CRPPA: variants seen among roughly 807,000 people sequenced by gnomAD.
CRPPA encodes D-ribitol-5-phosphate cytidylyltransferase.
Under a neutral mutation model 52.0 loss-of-function variants are expected in CRPPA, and 43 were observed. The observed-to-expected ratio is 0.83, with a 90% CI of 0.65 to 1.07. CRPPA has a LOEUF of 1.07. Ranked by LOEUF, CRPPA falls within the 50% of genes least tolerant of loss-of-function variation. CRPPA has a pLI of 0.00. For synonymous variants in CRPPA, 250 were observed against 203.5 expected (o/e 1.23, Z -1.94); for missense variants, 629 against 551.7 (o/e 1.14, Z -1.40).
chr7:16,230,035 T>A (rs1782752118), intron 8 of CRPPA, among the ~76,000 whole-genome samples: 1 of 152,186 alleles, frequency 6.6e-6, no homozygotes, highest in Non-Finnish European at 1.5e-5. Context: ...CTTTATGTTA[T>A]CTGCTTCCTT....
intron 3 of CRPPA, among the ~76,000 whole-genome samples, chr7:16,361,956 G>A (rs1471414412): frequency 2.0e-5 from 3 of 152,100 alleles, no homozygotes; most frequent in Non-Finnish European, 2.9e-5. Flanking sequence ...CCGGGTTCAC[G>A]CCATTCTCCT....
chr7:16,243,047 T>G (rs527531206), intron 8 of CRPPA, among the ~76,000 whole-genome samples: 3 of 152,268 alleles, frequency 2.0e-5, no homozygotes, highest in Non-Finnish European at 4.4e-5. Flanking sequence ...CATTTCAAAT[T>G]GTAATTCCCA....
intron 8 of CRPPA, among the ~76,000 whole-genome samples, chr7:16,240,542 C>A: frequency 6.6e-6 from 1 of 150,942 alleles, no homozygotes; most frequent in Middle Eastern, 3.4e-3. Flanking sequence ...GACTGGCCTG[C>A]TCTTAAAGTC....
chr7:16,124,775 G>C (rs945957391), intron 9 of CRPPA, among the ~76,000 whole-genome samples: 2 of 151,968 alleles, frequency 1.3e-5, no homozygotes, highest in Non-Finnish European at 2.9e-5. Flanking sequence ...TAATTACCTT[G>C]ATTTAATTAT....
intron 9 of CRPPA, among the ~76,000 whole-genome samples, chr7:16,204,790 A>G (rs757748828): frequency 1.3e-5 from 2 of 152,330 alleles, no homozygotes; most frequent in East Asian, 3.9e-4. Flanking sequence ...CCCTGTCTTC[A>G]TAAGCTTTGA....
intron 6 of CRPPA, among the ~76,000 whole-genome samples, chr7:16,262,287 C>G (rs1783831406): frequency 6.6e-6 from 1 of 152,112 alleles, no homozygotes; most frequent in Non-Finnish European, 1.5e-5. Context: ...CTTTAGCTAC[C>G]ATTTTTTTAA....
chr7:16,216,178 T>G lies in CRPPA; in HGVS notation c.1139A>C (p.Lys380Thr), dbSNP rs747075828. The G allele has an allele frequency of 6.3e-7, 1 of 1,578,010 alleles. No homozygotes were observed. Among genetic ancestry groups the G allele is most frequent in the South Asian group, 1.2e-5 (1 of 86,796 alleles). The change falls in exon 9 of 10, where the codon AAA (lysine) becomes ACA (threonine). Residue 380 changes from lysine (K) to threonine (T), a missense_variant. Coordinates refer to ENST00000407010, the MANE Select transcript of CRPPA (RefSeq NM_001101426.4). The part of the protein sequence containing the change: ...VVVSVHFLDF[K>T]LVPPSQKMEN... ...CATTTTCTGACTGGGAGGTACTAAT[T>G]TAAAATCAAGAAAATGAACCTGCAA... is the stretch of plus-strand genomic sequence containing the variant.
chr7:16,314,686 C>T (rs564691601), intron 3 of CRPPA, among the ~76,000 whole-genome samples: 1 of 151,946 alleles, frequency 6.6e-6, no homozygotes, highest in Non-Finnish European at 1.5e-5. Flanking sequence ...GAACAGAATT[C>T]TAGGGTGGTA....
At chr7:16,253,746 T>C (rs1456253995) in intron 8 of CRPPA, among the ~76,000 whole-genome samples, 1 of 152,026 alleles carries the variant, frequency 6.6e-6, no homozygotes, top group Non-Finnish European at 1.5e-5. Flanking sequence ...CGGGATCTAA[T>C]TAAACTAAAG....
intron 8 of CRPPA, among the ~76,000 whole-genome samples, chr7:16,219,532 T>A (rs1782438703): frequency 9.3e-6 from 1 of 107,950 alleles, no homozygotes; most frequent in Non-Finnish European, 2.0e-5. Flanking sequence ...TCAACAAAAT[T>A]GATAGACCGC....
At chr7:16,097,780 T>C (rs1385819993) in intron 9 of CRPPA, among the ~76,000 whole-genome samples, 1 of 152,142 alleles carries the variant, frequency 6.6e-6, no homozygotes, top group Non-Finnish European at 1.5e-5. Flanking sequence ...GAAATGACAG[T>C]GGCACCTCTA....
intron 9 of CRPPA, among the ~76,000 whole-genome samples, chr7:16,121,996 A>T (rs1782489849): frequency 6.6e-6 from 1 of 152,074 alleles, no homozygotes; most frequent in African/African-American, 2.4e-5. Context: ...CCAGCATTAT[A>T]ATAAACTGAA....
rs183662822 is a variant in CRPPA, at chr7:16,383,970, T to C, written c.535-7729A>G. Reference sequence around the variant, plus strand: ...TCTCGAGTGAGGCAATGCCTCGCCCTGCTTTGGCTCGCGCACGGTGCGCTG... The same window carrying C: ...TCTCGAGTGAGGCAATGCCTCGCCCCGCTTTGGCTCGCGCACGGTGCGCTG... On this transcript the variant is annotated intron_variant, in intron 2 of 9. Transcript: ENST00000407010. 4.8e-4 allele frequency among the ~76,000 whole-genome samples: 73 copies of C among 152,342 alleles called. 2 individuals carry two copies. In the East Asian group the frequency reaches 9.9e-3, roughly 21 times the overall value.
chr7:16,169,164 C>T (rs1781127377), intron 9 of CRPPA, among the ~76,000 whole-genome samples: 1 of 152,134 alleles, frequency 6.6e-6, no homozygotes, highest in Admixed American at 6.5e-5. Context: ...CACTCCAATA[C>T]CTAGCTTATA....
At chr7:16,257,011 G>A (rs893703011) in intron 8 of CRPPA, among the ~76,000 whole-genome samples, 12 of 152,002 alleles carry the variant, frequency 7.9e-5, no homozygotes, top group Admixed American at 6.6e-4. Context: ...AAAAAAAGAG[G>A]ACCATACTAT....
chr7:16,293,935 T>G (rs987952060), intron 5 of CRPPA, among the ~76,000 whole-genome samples: 4 of 151,956 alleles, frequency 2.6e-5, no homozygotes, highest in Non-Finnish European at 5.9e-5. Flanking sequence ...GTTTTCTAAC[T>G]AAATGATAGC....
intron 9 of CRPPA, among the ~76,000 whole-genome samples, chr7:16,160,731 T>C (rs1370785174): frequency 2.0e-5 from 3 of 152,224 alleles, no homozygotes; most frequent in Admixed American, 6.5e-5. Flanking sequence ...GGGAATAGCA[T>C]TGAGTCTATA....
intron 8 of CRPPA, among the ~76,000 whole-genome samples, chr7:16,243,171 T>C (rs898235080): frequency 1.3e-5 from 2 of 152,142 alleles, no homozygotes; most frequent in Admixed American, 1.3e-4. Flanking sequence ...TGAGATCTGA[T>C]TGTTTTGTAA....
intron 9 of CRPPA, among the ~76,000 whole-genome samples, chr7:16,156,828 T>TA (rs1783190716): frequency 6.6e-6 from 1 of 152,116 alleles, no homozygotes; most frequent in African/African-American, 2.4e-5. Context: ...AGTATTTGCA[T>TA]TAGTAGAGAC....
Sources: allele counts gnomAD v4.1 joint callset (sites outside exome capture counted in the v4.1 genomes callset), GRCh38; gene constraint gnomAD v4.1.1; transcripts MANE v1.5; gene names NCBI Gene and HGNC (gene_info 2026-07-23, HGNC 2026-07-21).